MATK: variants seen among roughly 807,000 people sequenced by gnomAD.
The protein encoded by MATK is megakaryocyte-associated tyrosine-protein kinase.
In MATK, 41 loss-of-function variants were observed where a neutral mutation model predicts 59.8. That is an observed-to-expected ratio of 0.69 (90% CI 0.53 to 0.89). The LOEUF is 0.89. MATK is among the 40% of genes least tolerant of loss of function. The probability of loss-of-function intolerance (pLI) is 0.00; values close to 1 mark genes in which losing one functional copy is unlikely to be tolerated. For missense variants in MATK, 593 were observed against 719.6 expected, an observed-to-expected ratio of 0.82 and a Z score of 2.01; for synonymous variants, 308 against 306.1, an observed-to-expected ratio of 1.01 and a Z score of -0.06.
rs1449325193 is a variant in MATK, at chr19:3,778,122, C to T, written c.*61G>A. On this transcript the variant is annotated 3_prime_UTR_variant, in exon 14 of 14. Coordinates refer to ENST00000310132, the MANE Select transcript of MATK (RefSeq NM_139355.3). Reference sequence around the variant, plus strand: ...GGACCCTCCTTGGGCCTGGTCAGTGCCCCCACGCCGCACTCTCCACTCTCT... The same window carrying T: ...GGACCCTCCTTGGGCCTGGTCAGTGTCCCCACGCCGCACTCTCCACTCTCT... The T allele has an allele frequency of 4.6e-6, 7 of 1,509,600 alleles. No homozygotes were observed. In the Admixed American group the frequency reaches 7.4e-5, roughly 16 times the overall value. 93.5% of individuals were successfully genotyped at this position (1,509,600 alleles called of 1,614,324 possible). A position where few individuals can be genotyped will look rare whatever the true frequency, so the allele number is the denominator to read the frequency against.
At chr19:3,800,586 T>C (rs1241752673) in intron 1 of MATK, among the ~76,000 whole-genome samples, 1 of 150,702 alleles carries the variant, frequency 6.6e-6, no homozygotes, top group African/African-American at 2.4e-5. Flanking sequence ...GCGGAGGTTG[T>C]GGTGAGCCGA....
intron 1 of MATK, among the ~76,000 whole-genome samples, chr19:3,800,680 A>G (rs1300686714): frequency 2.6e-5 from 4 of 152,004 alleles, no homozygotes; most frequent in Admixed American, 6.6e-5. Flanking sequence ...CAGAAGGGAA[A>G]TGGAGTGTTC....
rs1337145511 is a variant in MATK, at chr19:3,782,925, C to T, written c.676+201G>A. On this transcript the variant is annotated intron_variant, in intron 7 of 13. Transcript: ENST00000310132. ...GTGGATGATGGTGACAGATGAGTGG[C>T]GAAGCTGGGGACCTATTGAATAAAG... 15 of 565,452 alleles carry T rather than the reference C, an allele frequency of 2.7e-5. No individual in the cohort carries two copies. The East Asian group carries it at 2.7e-4, about 10-fold the overall frequency. The allele number at this position is 565,452 out of a possible 1,614,324, so 35.0% of individuals were successfully genotyped here.
intron 4 of MATK, 33 bp from the exon 5 acceptor site, chr19:3,784,272 G>T: frequency 2.5e-6 from 4 of 1,599,826 alleles, no homozygotes; most frequent in Non-Finnish European, 2.6e-6. Flanking sequence ...TTAGTGTGGG[G>T]GGTGTGGGGG....
chr19:3,780,735 A>G (rs536275891), intron 8 of MATK, among the ~76,000 whole-genome samples: 1 of 143,388 alleles, frequency 7.0e-6, no homozygotes, highest in South Asian at 2.2e-4. Flanking sequence ...CCCGGCCAAC[A>G]TTTTTATTTT....
At chr19:3,786,804 A>G (rs1274814661), upstream of MATK, among the ~76,000 whole-genome samples, 2 of 152,116 alleles carry the variant, frequency 1.3e-5, no homozygotes, top group Admixed American at 1.3e-4. The surrounding 1 kb of genome is among the most constrained non-coding windows in gnomAD (Gnocchi z 4.1). Flanking sequence ...CATAATCATC[A>G]ACATTAAGGG....
At chr19:3,793,014 G>C (rs895825059) in intron 1 of MATK, 1 of 152,240 alleles carries the variant, frequency 6.6e-6, no homozygotes, top group Non-Finnish European at 1.5e-5. Flanking sequence ...CCAGCCAGGG[G>C]ACTCCGGGAT....
At chr19:3,786,982 G>GGGTGGGGGCCCC (rs2037493120), upstream of MATK, among the ~76,000 whole-genome samples, 1 of 152,060 alleles carries the variant, frequency 6.6e-6, no homozygotes, top group Non-Finnish European at 1.5e-5. The surrounding 1 kb of genome is among the most constrained non-coding windows in gnomAD (Gnocchi z 4.1). Flanking sequence ...CCCATATGGA[G>GGGTGGGGGCCCC]GGTGGGGGCC....
intron 12 of MATK, 97 bp downstream of exon 12, chr19:3,778,895 C>T: frequency 7.9e-7 from 1 of 1,268,166 alleles, no homozygotes; most frequent in Non-Finnish European, 1.1e-6. Context: ...TAGCCATTGC[C>T]CTTGGAGTTT....
intron 7 of MATK, 44 bp from the exon 8 acceptor site, chr19:3,781,716 A>C: frequency 1.4e-5 from 21 of 1,469,056 alleles, no homozygotes; most frequent in Non-Finnish European, 1.9e-5. Flanking sequence ...GGCCCCCTAA[A>C]TCCTCCCATT....
In MATK at chr19:3,786,332, G is replaced by C. The variant is rs1448024918; in HGVS notation, c.-315C>G. 1 of 984,222 alleles carries C rather than the reference G, an allele frequency of 1.0e-6. No individual in the cohort carries two copies. Among genetic ancestry groups the C allele is most frequent in the Non-Finnish European group, 1.2e-6 (1 of 829,604 alleles). The allele number at this position is 984,222 out of a possible 1,614,324, so 61.0% of individuals were successfully genotyped here. A position where few individuals can be genotyped will look rare whatever the true frequency, so the allele number is the denominator to read the frequency against. On this transcript the variant is annotated 5_prime_UTR_variant, in exon 1 of 14. Coordinates refer to ENST00000310132, the MANE Select transcript of MATK (RefSeq NM_139355.3). This position sits in a 1 kb window ranked among gnomAD's most constrained non-coding sequence, Gnocchi z 4.1. The stretch of plus-strand genomic sequence containing the variant: ...AGGGTCGGGGAGTGGGGGAAAGCGG[G>C]AGGCGCCGCGGCCTGGGAGGCCCCC...
chr19:3,792,723 G>T (rs2037555103), intron 1 of MATK, among the ~76,000 whole-genome samples: 1 of 151,964 alleles, frequency 6.6e-6, no homozygotes, highest in African/African-American at 2.4e-5. Context: ...TCACCATGTT[G>T]GCCAGGCTGG....
Position 3,782,815 on chromosome 19 carries a change from C to T in MATK, c.676+311G>A, listed in dbSNP as rs1480770246. 3 of 422,000 alleles carry T rather than the reference C, an allele frequency of 7.1e-6. No homozygotes were observed. In the South Asian group the frequency reaches 8.5e-5, roughly 12 times the overall value. 26.1% of individuals were successfully genotyped at this position (422,000 alleles called of 1,614,324 possible). A position where few individuals can be genotyped will look rare whatever the true frequency, so the allele number is the denominator to read the frequency against. On this transcript the variant is annotated intron_variant, in intron 7 of 13. Transcript: ENST00000310132. ...TGTGGGGAGGGGAGGGGAGAAGATT[C>T]ACCAGGTCTTGGGAACCTGGCCAAG...
At chr19:3,782,266 G>A (rs1328528591) in intron 7 of MATK, among the ~76,000 whole-genome samples, 1 of 152,082 alleles carries the variant, frequency 6.6e-6, no homozygotes, top group Non-Finnish European at 1.5e-5. Context: ...CCCTCTGGTC[G>A]GTTCTGCAGA....
chr19:3,789,340 C>A, upstream of MATK: 1 of 775,814 alleles, frequency 1.3e-6, no homozygotes, highest in South Asian at 1.3e-5. Flanking sequence ...AGGGAAATGT[C>A]CCTGCATGAG....
chr19:3,786,970 C>T (rs886610260), upstream of MATK, among the ~76,000 whole-genome samples: 2 of 152,062 alleles, frequency 1.3e-5, no homozygotes, highest in African/African-American at 2.4e-5. The surrounding 1 kb of genome is among the most constrained non-coding windows in gnomAD (Gnocchi z 4.1). Context: ...GGGATTTCCT[C>T]CCCCATATGG....
intron 1 of MATK, among the ~76,000 whole-genome samples, chr19:3,791,628 C>T (rs986794718): frequency 4.7e-5 from 7 of 150,102 alleles, no homozygotes; most frequent in Non-Finnish European, 8.9e-5. Flanking sequence ...CAGGCGTGAG[C>T]CACCGCACCC....
intron 1 of MATK, among the ~76,000 whole-genome samples, chr19:3,795,918 C>T (rs527572302): frequency 6.6e-5 from 10 of 151,758 alleles, no homozygotes; most frequent in East Asian, 1.9e-4. Flanking sequence ...CGCGCCATCA[C>T]GCCTGGCTAA....
chr19:3,778,317 C>A lies in MATK; in HGVS notation c.1390G>T (p.Glu464Ter). The A allele has an allele frequency of 6.3e-7, 1 of 1,577,486 alleles. No homozygotes were observed. The highest frequency in any genetic ancestry group is 1.2e-5 in the South Asian group (1 of 86,804). ...HVLMSSCWEA[E>*]PARRPPFRKL... ...CGGAAGGGTGGCCGGCGGGCGGGCTCTGCCTCCCAGCAGCTGCTCATGAGG... is the reference window on the plus strand; with the variant it reads ...CGGAAGGGTGGCCGGCGGGCGGGCTATGCCTCCCAGCAGCTGCTCATGAGG... The change falls in exon 14 of 14, where the codon GAG (glutamate) becomes TAG (stop). Residue 464 changes from glutamate (E) to a stop codon, truncating the protein, a stop_gained. Transcript: ENST00000310132. LOFTEE classifies it low-confidence loss of function (END_TRUNC).
Sources: gnomAD v4.1 joint callset for allele counts (sites outside exome capture counted in the v4.1 genomes callset) on GRCh38, gnomAD v4.1.1 for gene constraint, Gnocchi (gnomAD v3.1) non-coding constraint, MANE v1.5 for transcripts, NCBI Gene and HGNC (gene_info 2026-07-23, HGNC 2026-07-21) for gene names.